Variants in BNC2 observed in about 807,000 individuals in gnomAD.
BNC2 encodes basonuclin zinc finger protein 2.
A neutral mutation model predicts 76.3 loss-of-function variants in BNC2; 20 were observed. That is an observed-to-expected ratio of 0.26 (90% CI 0.18 to 0.38). The LOEUF is 0.38. Ranked by LOEUF, BNC2 falls within the 10% of genes least tolerant of loss-of-function variation. The pLI, the probability that BNC2 is intolerant of heterozygous loss-of-function variation, is 1.00. For missense variants in BNC2, 1,382 were observed against 1,399.8 expected, an observed-to-expected ratio of 0.99 and a Z score of 0.20; for synonymous variants, 582 against 514.8, an observed-to-expected ratio of 1.13 and a Z score of -1.77.
Position 16,409,859 on chromosome 9 carries a change from C to T in BNC2, c.*9130G>A, listed in dbSNP as rs1820423623. 6.6e-6 allele frequency: 1 copy of T among 152,598 alleles called. No homozygotes were observed. Among genetic ancestry groups the T allele is most frequent in the Admixed American group, 6.5e-5 (1 of 15,282 alleles). The allele number at this position is 152,598 out of a possible 1,614,324, so 9.5% of individuals were successfully genotyped here. ...CTTGGTGCAGTTACCTTTTGAAGTA[C>T]AGACTTTGATTCTGCGGCAGGCTTA... On this transcript the variant is annotated 3_prime_UTR_variant, in exon 7 of 7. Coordinates refer to ENST00000380672, the MANE Select transcript of BNC2 (RefSeq NM_017637.6).
At chr9:16,599,037 C>G (rs185790723) in intron 3 of BNC2, among the ~76,000 whole-genome samples, 34 of 152,282 alleles carry the variant, frequency 2.2e-4, no homozygotes, top group Admixed American at 2.0e-3. Context: ...TCCATTCACC[C>G]ATATAAAAAC....
At position 16,472,692 on chromosome 9, in the gene BNC2, G is replaced by T. The variant is rs139525734; in HGVS notation, c.670-35168C>A. 0.011 allele frequency among the ~76,000 whole-genome samples: 1,712 copies of T among 152,280 alleles called. 96 individuals are homozygous for T. The South Asian group carries it at 0.15, about 13-fold the overall frequency. ...TCTTAGAGGCAAGTGCTGCTTTATGGAACTTTAGAAATGCCAAGAGATGCA... is the reference window on the plus strand; with the variant it reads ...TCTTAGAGGCAAGTGCTGCTTTATGTAACTTTAGAAATGCCAAGAGATGCA... On this transcript the variant is annotated intron_variant, in intron 5 of 6. Coordinates refer to ENST00000380672, the MANE Select transcript of BNC2 (RefSeq NM_017637.6).
chr9:16,759,267 A>T (rs1054214957), intron 1 of BNC2, among the ~76,000 whole-genome samples: 1 of 152,194 alleles, frequency 6.6e-6, no homozygotes, highest in Admixed American at 6.5e-5. Context: ...GTACTTTGTT[A>T]TGATAAGGGT....
At chr9:16,819,465 C>A (rs993775746) in intron 1 of BNC2, among the ~76,000 whole-genome samples, 1 of 152,108 alleles carries the variant, frequency 6.6e-6, no homozygotes, top group African/African-American at 2.4e-5. Context: ...GAGTTCGAGA[C>A]CAGCCTGGCC....
At chr9:16,709,371 A>C (rs1823768993) in intron 3 of BNC2, among the ~76,000 whole-genome samples, 1 of 152,224 alleles carries the variant, frequency 6.6e-6, no homozygotes, top group Admixed American at 6.5e-5. Flanking sequence ...ATGGAAACTT[A>C]CTTAAGTCTC....
chr9:16,610,597 A>G (rs1192682892), intron 3 of BNC2, among the ~76,000 whole-genome samples: 1 of 152,192 alleles, frequency 6.6e-6, no homozygotes, highest in African/African-American at 2.4e-5. Flanking sequence ...TACAAAGTAG[A>G]TCTTAAAAAA....
intron 5 of BNC2, among the ~76,000 whole-genome samples, chr9:16,534,708 A>G (rs1316445209): frequency 6.6e-6 from 1 of 152,164 alleles, no homozygotes; most frequent in Non-Finnish European, 1.5e-5. Flanking sequence ...TTTTCTATTT[A>G]CTCAGCAGGA....
At chr9:16,690,568 C>T (rs1442272285) in intron 3 of BNC2, among the ~76,000 whole-genome samples, 1 of 152,122 alleles carries the variant, frequency 6.6e-6, no homozygotes, top group African/African-American at 2.4e-5. Flanking sequence ...CAGTACTTAT[C>T]CATTTTCAAG....
At chr9:16,739,338 G>A (rs981464456) in intron 1 of BNC2, among the ~76,000 whole-genome samples, 1 of 152,206 alleles carries the variant, frequency 6.6e-6, no homozygotes, top group African/African-American at 2.4e-5. Context: ...CAGATGGACT[G>A]AAGTGTGAAA....
chr9:16,609,005 T>C (rs979847723), intron 3 of BNC2, among the ~76,000 whole-genome samples: 7 of 152,166 alleles, frequency 4.6e-5, no homozygotes. Context: ...GAAGGGATCT[T>C]GGGATTTTTC....
chr9:16,753,836 C>A (rs1361107850), intron 1 of BNC2, among the ~76,000 whole-genome samples: 2 of 148,776 alleles, frequency 1.3e-5, no homozygotes. Context: ...GAGTTCTATT[C>A]TTTTTGATGT....
chr9:16,556,671 G>A (rs1818843009), intron 4 of BNC2, among the ~76,000 whole-genome samples: 1 of 151,800 alleles, frequency 6.6e-6, no homozygotes, highest in Admixed American at 6.6e-5. Context: ...AGGAGGCTGA[G>A]GCAGGAGAAT....
intron 3 of BNC2, among the ~76,000 whole-genome samples, chr9:16,686,364 G>A (rs1205241398): frequency 6.6e-6 from 1 of 151,978 alleles, no homozygotes; most frequent in East Asian, 1.9e-4. Flanking sequence ...CCTAAATACT[G>A]CCTACTGTCC....
At chr9:16,731,523 T>C (rs1824503529) in intron 2 of BNC2, among the ~76,000 whole-genome samples, 2 of 152,132 alleles carry the variant, frequency 1.3e-5, no homozygotes, top group Admixed American at 6.5e-5. Context: ...TAAAATAGAT[T>C]GGAGAACTGA....
At chr9:16,767,891 G>C (rs1215128759) in intron 1 of BNC2, among the ~76,000 whole-genome samples, 1 of 151,426 alleles carries the variant, frequency 6.6e-6, no homozygotes, top group African/African-American at 2.4e-5. Context: ...GAATACTTCA[G>C]TAGCTATCAA....
At chr9:16,721,956 T>C (rs898456479) in intron 3 of BNC2, among the ~76,000 whole-genome samples, 1 of 152,214 alleles carries the variant, frequency 6.6e-6, no homozygotes, top group African/African-American at 2.4e-5. Context: ...AAAATACCTC[T>C]TGGGCTATAC....
intron 3 of BNC2, among the ~76,000 whole-genome samples, chr9:16,695,398 T>G (rs1823306643): frequency 6.6e-6 from 1 of 152,136 alleles, no homozygotes; most frequent in African/African-American, 2.4e-5. Flanking sequence ...TCCTAGACTT[T>G]CCTTTCAGTT....
intron 5 of BNC2, among the ~76,000 whole-genome samples, chr9:16,468,312 C>G (rs145411733): frequency 7.6e-4 from 116 of 152,272 alleles, no homozygotes; most frequent in African/African-American, 2.6e-3. Context: ...ACTAGAGTTA[C>G]AATAACAATA....
At chr9:16,764,059 G>T (rs571573975) in intron 1 of BNC2, among the ~76,000 whole-genome samples, 19 of 152,250 alleles carry the variant, frequency 1.2e-4, no homozygotes, top group African/African-American at 3.9e-4. Context: ...AGCTGGGATT[G>T]GTTCCTAATA....
Sources: gnomAD v4.1 joint callset for allele counts (sites outside exome capture counted in the v4.1 genomes callset) on GRCh38, gnomAD v4.1.1 for gene constraint, MANE v1.5 for transcripts, NCBI Gene and HGNC (gene_info 2026-07-23, HGNC 2026-07-21) for gene names.